CNTNAP2: variants seen among roughly 807,000 people sequenced by gnomAD.
CNTNAP2 encodes contactin-associated protein-like 2.
Under a neutral mutation model 155.2 loss-of-function variants are expected in CNTNAP2, and 98 were observed. The observed-to-expected ratio is 0.63, with a 90% confidence interval of 0.54 to 0.75. The LOEUF (loss-of-function observed/expected upper bound fraction) is 0.75. CNTNAP2 is among the 30% of genes least tolerant of loss of function. The probability of loss-of-function intolerance (pLI) is 0.00; values close to 1 mark genes in which losing one functional copy is unlikely to be tolerated. For missense variants in CNTNAP2, 1,727 were observed against 1,688.1 expected (o/e 1.02, Z -0.40); for synonymous variants, 651 against 631.2 (o/e 1.03, Z -0.47).
chr7:146,795,256 AT>A, intron 2 of CNTNAP2, among the ~76,000 whole-genome samples: 1 of 152,352 alleles, frequency 6.6e-6, no homozygotes, highest in South Asian at 2.1e-4. Flanking sequence ...ATTTTAAACC[AT>A]TCAGTTCTGT....
intron 13 of CNTNAP2, among the ~76,000 whole-genome samples, chr7:147,811,203 T>G (rs1377783829): frequency 6.6e-6 from 1 of 152,168 alleles, no homozygotes; most frequent in East Asian, 1.9e-4. Flanking sequence ...CAAGCAATTC[T>G]CCTGCCTCAG....
intron 8 of CNTNAP2, among the ~76,000 whole-genome samples, chr7:147,284,705 C>A (rs990372415): frequency 1.5e-4 from 23 of 151,898 alleles, no homozygotes; most frequent in African/African-American, 5.1e-4. Context: ...AACGTACTCA[C>A]CTATGGCATT....
intron 3 of CNTNAP2, among the ~76,000 whole-genome samples, chr7:147,022,967 T>C (rs1798841922): frequency 6.6e-6 from 1 of 152,200 alleles, no homozygotes; most frequent in Non-Finnish European, 1.5e-5. Context: ...GTTTGTTATC[T>C]ATGGAACCGA....
chr7:148,182,674 GATTTA>G (rs1415493256), intron 18 of CNTNAP2, among the ~76,000 whole-genome samples: 1 of 152,176 alleles, frequency 6.6e-6, no homozygotes, highest in Non-Finnish European at 1.5e-5. Flanking sequence ...AAGAGTGTTT[GATTTA>G]GATAAATAGG....
intron 1 of CNTNAP2, among the ~76,000 whole-genome samples, chr7:146,485,335 G>A (rs1419372965): frequency 6.6e-6 from 1 of 152,194 alleles, no homozygotes; most frequent in Non-Finnish European, 1.5e-5. Flanking sequence ...TTAGTCACCT[G>A]TGCTATGTCC....
chr7:146,832,450 T>C (rs1332836400), intron 2 of CNTNAP2, among the ~76,000 whole-genome samples: 1 of 149,834 alleles, frequency 6.7e-6, no homozygotes, highest in Non-Finnish European at 1.5e-5. Flanking sequence ...TACTGATGTA[T>C]AATTGATATA....
rs185557572 is a variant in CNTNAP2 at position 146,376,328 on chromosome 7, C to G, written c.97+259355C>G. On this transcript the variant is annotated intron_variant, in intron 1 of 23. Coordinates refer to ENST00000361727, the MANE Select transcript of CNTNAP2 (RefSeq NM_014141.6). ...TAGAGTCTTACAGATTTAATCTATT[C>G]GTTACCTTTGTTCTTTTTCTTCACT... is the stretch of plus-strand genomic sequence containing the variant. Among the ~76,000 whole-genome samples the G allele has an allele frequency of 6.2e-3, 936 of 152,124 alleles. 10 individuals are homozygous for G. The highest frequency in any genetic ancestry group is 0.021 in the African/African-American group (889 of 41,522).
Position 148,267,108 on chromosome 7 carries a change from T to C in CNTNAP2, c.3457T>C (p.Phe1153Leu). The part of the protein sequence containing the change: ...DTLFNSPKSL[F>L]LGKVIETGKI... ...CCTCTTCAATTCTCCCAAGTCGCTC[T>C]TTCTGGGAAAAGTTATAGGTAAGAA... Residue 1153 changes from phenylalanine to leucine, a missense_variant, in exon 21 of 24, where the codon TTT becomes CTT. Transcript: ENST00000361727. The C allele has an allele frequency of 6.2e-7, 1 of 1,614,104 alleles. No homozygotes were observed. The highest frequency in any genetic ancestry group is 8.5e-7 in the Non-Finnish European group (1 of 1,179,946).
intron 1 of CNTNAP2, among the ~76,000 whole-genome samples, chr7:146,574,290 A>G (rs1280060283): frequency 1.3e-5 from 2 of 152,232 alleles, no homozygotes; most frequent in Non-Finnish European, 2.9e-5. Flanking sequence ...TTTTATTACC[A>G]TACACACACG....
In CNTNAP2 at chr7:146,116,968, C is replaced by G. The variant is rs1387747328; in HGVS notation, c.92C>G (p.Thr31Arg). The change falls in exon 1 of 24, where the codon ACG becomes AGG. Residue 31 changes from threonine to arginine, a missense_variant. By Grantham distance (71) the Thr-to-Arg change is moderately conservative. Coordinates refer to ENST00000361727, the MANE Select transcript of CNTNAP2 (RefSeq NM_014141.6). The surrounding 1 kb of genome is among the most constrained non-coding windows in gnomAD (Gnocchi z 5.5). ...TGCAGAGCCTGGACGGCTCCCTCCA[C>G]GTCCCGTAAGTAGCCGTCTCCTCGC... ...CLCRAWTAPS[T>R]SQKCDEPLVS... 2 of 1,551,158 alleles carry G rather than the reference C, an allele frequency of 1.3e-6. No individual in the cohort carries two copies. Among genetic ancestry groups the G allele is most frequent in the African/African-American group, 1.4e-5 (1 of 73,088 alleles).
At chr7:148,339,401 T>TCCG (rs1467532212) in intron 21 of CNTNAP2, 1 of 152,304 alleles carries the variant, frequency 6.6e-6, no homozygotes, top group African/African-American at 2.4e-5. Flanking sequence ...TACAGTCAGA[T>TCCG]CCGCCGCCGC....
intron 15 of CNTNAP2, among the ~76,000 whole-genome samples, chr7:148,028,111 A>G (rs1452329176): frequency 6.6e-6 from 1 of 152,216 alleles, no homozygotes; most frequent in Non-Finnish European, 1.5e-5. Context: ...CACCTGAACT[A>G]AAGTTTTTTT....
At chr7:147,458,044 C>A (rs548451770) in intron 10 of CNTNAP2, among the ~76,000 whole-genome samples, 40 of 152,124 alleles carry the variant, frequency 2.6e-4, no homozygotes, top group African/African-American at 8.9e-4. Flanking sequence ...ATTTTTCACT[C>A]TAGGAAAGAG....
intron 12 of CNTNAP2, among the ~76,000 whole-genome samples, chr7:147,609,963 C>T (rs530986842): frequency 6.6e-6 from 1 of 152,168 alleles, no homozygotes; most frequent in Non-Finnish European, 1.5e-5. Flanking sequence ...CCAGGCTCCC[C>T]TCTTGTTTTT....
At chr7:146,567,459 CTT>C (rs958285191) in intron 1 of CNTNAP2, among the ~76,000 whole-genome samples, 3 of 152,090 alleles carry the variant, frequency 2.0e-5, no homozygotes, top group Non-Finnish European at 2.9e-5. Context: ...TCTATATAGT[CTT>C]AATTATTAGA....
intron 1 of CNTNAP2, among the ~76,000 whole-genome samples, chr7:146,691,627 G>A: frequency 6.6e-6 from 1 of 152,046 alleles, no homozygotes; most frequent in East Asian, 1.9e-4. Context: ...GTCAGGGAGG[G>A]TTTGTAGTTT....
chr7:147,891,451 C>T (rs1799693821), intron 13 of CNTNAP2, among the ~76,000 whole-genome samples: 1 of 152,144 alleles, frequency 6.6e-6, no homozygotes, highest in African/African-American at 2.4e-5. Flanking sequence ...GATTTGCCCG[C>T]CTCAGCCTCC....
chr7:146,937,643 C>A (rs74667820), intron 3 of CNTNAP2, among the ~76,000 whole-genome samples: 1,535 of 152,110 alleles, frequency 0.01, 23 homozygotes, highest in African/African-American at 0.035. Context: ...CTGACACCTG[C>A]CCTGGAAACT....
intron 1 of CNTNAP2, among the ~76,000 whole-genome samples, chr7:146,631,241 T>C (rs347213): frequency 0.15 from 22,689 of 152,106 alleles, 2,908 homozygotes; most frequent in African/African-American, 0.35. Context: ...GACTGTGTTC[T>C]TAAAATATGA....
Sources: gnomAD v4.1 joint callset for allele counts (sites outside exome capture counted in the v4.1 genomes callset) on GRCh38, gnomAD v4.1.1 for gene constraint, Gnocchi (gnomAD v3.1) non-coding constraint, MANE v1.5 for transcripts, NCBI Gene and HGNC (gene_info 2026-07-23, HGNC 2026-07-21) for gene names.